The following CDH3 variants were observed in gnomAD, a reference collection of about 807,000 sequenced individuals.
CDH3 encodes the protein cadherin-3.
In CDH3, 54 loss-of-function variants were observed where a neutral mutation model predicts 82.0. The ratio of observed to expected loss-of-function variants is 0.66; its 90% CI spans 0.53 to 0.83. CDH3 has a LOEUF of 0.83. CDH3 is among the 40% of genes least tolerant of loss of function. The probability of loss-of-function intolerance (pLI) is 0.00; values close to 1 mark genes in which losing one functional copy is unlikely to be tolerated. For missense variants in CDH3, 1,054 were observed against 1,084.6 expected (o/e 0.97, Z 0.40); for synonymous variants, 446 against 437.9 (o/e 1.02, Z -0.23).
chr16:68,711,504 T>G (rs1962031220), intron 1 of CDH3, among the ~76,000 whole-genome samples: 1 of 152,112 alleles, frequency 6.6e-6, no homozygotes, highest in Non-Finnish European at 1.5e-5. Context: ...GGTGAGGAAC[T>G]GCACACAGGG....
chr16:68,687,527 C>T lies in CDH3; in HGVS notation c.1586C>T (p.Thr529Ile), dbSNP rs201846292. The change falls in exon 12 of 16, where the codon ACT (threonine) becomes ATT (isoleucine). Residue 529 changes from threonine to isoleucine, a missense_variant. Physicochemically the swap from Thr to Ile is moderately conservative, Grantham distance 89 (BLOSUM62 -1). Transcript: ENST00000264012. ...LAMDNGSPPT[T>I]GTGTLLLTLI... ...TTACAAACAGGAAGCCCTCCCACCA[C>T]TGGCACGGGAACCCTTCTGCTAACA... The T allele has an allele frequency of 2.5e-6, 4 of 1,614,124 alleles. No individual in the cohort carries two copies. In the South Asian group the frequency reaches 4.4e-5, roughly 18 times the overall value.
At chr16:68,646,070 T>A (rs1418902941) in intron 2 of CDH3, 61 of 384,890 alleles carry the variant, frequency 1.6e-4, no homozygotes, top group Non-Finnish European at 1.9e-5. Context: ...AGCAGAGGAA[T>A]GCGCCGGCCA....
chr16:68,674,875 G>A (rs971489289), intron 2 of CDH3, among the ~76,000 whole-genome samples: 1 of 152,196 alleles, frequency 6.6e-6, no homozygotes, highest in Non-Finnish European at 1.5e-5. Context: ...AGCATTCTGG[G>A]AGGCCGAGGC....
chr16:68,721,148 T>C (rs981703968), intron 1 of CDH3, among the ~76,000 whole-genome samples: 2 of 151,942 alleles, frequency 1.3e-5, no homozygotes, highest in Non-Finnish European at 2.9e-5. Flanking sequence ...TACTAAATCA[T>C]GTGACATTCC....
At chr16:68,717,539 G>T (rs576330007) in intron 1 of CDH3, among the ~76,000 whole-genome samples, 1 of 152,114 alleles carries the variant, frequency 6.6e-6, no homozygotes, top group Non-Finnish European at 1.5e-5. Flanking sequence ...TTGGGAGGCC[G>T]AGGCGGGCAG....
intron 12 of CDH3, 53 bp from the exon 13 acceptor site, chr16:68,691,667 C>A: frequency 7.1e-7 from 1 of 1,405,444 alleles, no homozygotes; most frequent in Non-Finnish European, 1.0e-6. Context: ...ATGGTGTACT[C>A]AGATCCCCGC....
Position 68,682,740 on chromosome 16 carries a change from A to G in CDH3, c.1182+253A>G, listed in dbSNP as rs1799505846. 3.9e-5 allele frequency among the ~76,000 whole-genome samples: 6 copies of G among 152,292 alleles called. No individual in the cohort carries two copies. In the South Asian group the frequency reaches 1.2e-3, roughly 32 times the overall value. On this transcript the variant is annotated intron_variant, in intron 9 of 15. Coordinates refer to ENST00000264012, the MANE Select transcript of CDH3 (RefSeq NM_001793.6). ...CATCAGTGGAGCCTCCTCCCAGACC[A>G]CAGTGTCCAATGGCTGCCCCGAATC...
At chr16:68,706,254 G>T (rs1362351559) in intron 1 of CDH3, among the ~76,000 whole-genome samples, 1 of 152,130 alleles carries the variant, frequency 6.6e-6, no homozygotes. Context: ...TGAATTCACA[G>T]ACACCTAGAA....
intron 2 of CDH3, among the ~76,000 whole-genome samples, chr16:68,675,792 C>T (rs1282029171): frequency 1.5e-5 from 2 of 136,350 alleles, no homozygotes; most frequent in African/African-American, 5.5e-5. Context: ...GACTCTGCCT[C>T]GAAAAAAAAA....
intron 1 of CDH3, among the ~76,000 whole-genome samples, chr16:68,716,288 T>C (rs996239461): frequency 6.6e-6 from 1 of 151,320 alleles, no homozygotes; most frequent in African/African-American, 2.4e-5. Flanking sequence ...CAATAAATTG[T>C]AGGCATTCAA....
rs985112710 is a variant in CDH3 at position 68,653,314 on chromosome 16, G to A, written c.160+7564G>A. 7.9e-5 allele frequency among the ~76,000 whole-genome samples: 12 copies of A among 151,712 alleles called. 1 individual carries two copies. In the South Asian group the frequency reaches 8.3e-4, roughly 11 times the overall value. On this transcript the variant is annotated intron_variant, in intron 2 of 15. Coordinates refer to ENST00000264012, the MANE Select transcript of CDH3 (RefSeq NM_001793.6). ...TGCAATGGCGTGATCTTGGCTCACC[G>A]CAACCTCCACCTCCCAGGTTCAAGC... is the stretch of plus-strand genomic sequence containing the variant.
chr16:68,681,842 T>A (rs892031345), intron 8 of CDH3, among the ~76,000 whole-genome samples: 5 of 149,370 alleles, frequency 3.3e-5, no homozygotes, highest in Admixed American at 6.6e-5. Context: ...TCTAAAAAAA[T>A]AAAATAAAAA....
At chr16:68,646,985 T>C (rs117288301) in intron 2 of CDH3, among the ~76,000 whole-genome samples, 2,505 of 77,864 alleles carry the variant, frequency 0.032, 28 homozygotes, top group Non-Finnish European at 0.045. Flanking sequence ...TTAAAAAAAT[T>C]CTTTCTGCAA....
downstream of CDH3, among the ~76,000 whole-genome samples, chr16:68,731,493 TATATATATACACACACAC>T (rs1962292676): frequency 5.0e-5 from 1 of 20,098 alleles, no homozygotes; most frequent in Non-Finnish European, 1.3e-4. Context: ...TATATACACA[TATATATATACACACACAC>T]ATATACACAC....
At chr16:68,661,342 C>T (rs925791150) in intron 2 of CDH3, among the ~76,000 whole-genome samples, 1 of 152,134 alleles carries the variant, frequency 6.6e-6, no homozygotes, top group Non-Finnish European at 1.5e-5. Flanking sequence ...AGTTACTTAA[C>T]CTCTGTGCCT....
chr16:68,717,126 T>C (rs1962104670), intron 1 of CDH3, among the ~76,000 whole-genome samples: 1 of 152,212 alleles, frequency 6.6e-6, no homozygotes, highest in Non-Finnish European at 1.5e-5. Context: ...GACAGATGAT[T>C]TGTATTTTTC....
chr16:68,645,516 G>A, intron 1 of CDH3, 92 bp downstream of exon 1: 1 of 1,487,392 alleles, frequency 6.7e-7, no homozygotes, highest in South Asian at 1.2e-5. Flanking sequence ...GGAGAGCGCG[G>A]GGCTGCGCTC....
chr16:68,719,525 T>TTG (rs1232768024), intron 1 of CDH3, among the ~76,000 whole-genome samples: 1 of 147,188 alleles, frequency 6.8e-6, no homozygotes, highest in Non-Finnish European at 1.5e-5. Flanking sequence ...TTTTTTTTTT[T>TTG]GAGAGGGAGT....
At chr16:68,652,802 A>T (rs1960286223) in intron 2 of CDH3, among the ~76,000 whole-genome samples, 1 of 152,200 alleles carries the variant, frequency 6.6e-6, no homozygotes. Flanking sequence ...TTTCTGTAAG[A>T]GGATCATACA....
Sources: gnomAD v4.1 joint callset for allele counts (sites outside exome capture counted in the v4.1 genomes callset) on GRCh38, gnomAD v4.1.1 for gene constraint, MANE v1.5 for transcripts, NCBI Gene and HGNC (gene_info 2026-07-23, HGNC 2026-07-21) for gene names.